ANKFN1: variants seen among roughly 807,000 people sequenced by gnomAD.
ANKFN1 encodes the protein ankyrin repeat and fibronectin type-III domain-containing protein 1.
A neutral mutation model predicts 108.7 loss-of-function variants in ANKFN1; 74 were observed. The observed-to-expected ratio is 0.68, with a 90% CI of 0.56 to 0.83. The LOEUF is 0.83. Among genes scored for constraint, ANKFN1 ranks in the 40% least tolerant of loss-of-function variants. ANKFN1 has a pLI of 0.00. For missense variants in ANKFN1, 1,505 were observed against 1,382.3 expected, an observed-to-expected ratio of 1.09 and a Z score of -1.41; for synonymous variants, 547 against 516.2, an observed-to-expected ratio of 1.06 and a Z score of -0.81.
At chr17:56,356,105 T>C (rs9890346) in intron 6 of ANKFN1, among the ~76,000 whole-genome samples, 8,547 of 152,184 alleles carry the variant, frequency 0.056, 769 homozygotes, top group African/African-American at 0.19. Flanking sequence ...CTGATAGTAC[T>C]TGGGGAAGAA....
chr17:56,127,003 C>T (rs1906974691), intron 4 of ANKFN1, among the ~76,000 whole-genome samples: 2 of 152,184 alleles, frequency 1.3e-5, no homozygotes, highest in African/African-American at 4.8e-5. Context: ...AAAAGAGTAG[C>T]TATTACATAC....
intron 18 of ANKFN1, among the ~76,000 whole-genome samples, chr17:56,488,776 A>G (rs1340659781): frequency 5.9e-5 from 9 of 152,230 alleles, no homozygotes; most frequent in Non-Finnish European, 1.2e-4. Context: ...ACTAGGCCAC[A>G]TGGCCCAGAC....
intron 4 of ANKFN1, among the ~76,000 whole-genome samples, chr17:56,342,666 T>C (rs761366359): frequency 1.4e-4 from 21 of 152,072 alleles, no homozygotes; most frequent in Non-Finnish European, 2.6e-4. Flanking sequence ...AGAGATTGTT[T>C]GATATGATTT....
intron 3 of ANKFN1, among the ~76,000 whole-genome samples, chr17:56,290,118 T>G (rs2044320060): frequency 6.6e-6 from 1 of 152,196 alleles, no homozygotes; most frequent in Non-Finnish European, 1.5e-5. Context: ...TTTTCCTCTT[T>G]CCCTTTTCTC....
chr17:56,226,130 G>A (rs889251847), intron 2 of ANKFN1, among the ~76,000 whole-genome samples: 1 of 152,090 alleles, frequency 6.6e-6, no homozygotes, highest in African/African-American at 2.4e-5. Flanking sequence ...CAAGGGGTGG[G>A]AGGAAATGTG....
chr17:56,423,116 T>G (rs2048461726), intron 8 of ANKFN1, among the ~76,000 whole-genome samples: 1 of 152,138 alleles, frequency 6.6e-6, no homozygotes. Context: ...TATGTCACTA[T>G]TCTCATGTAG....
At chr17:56,204,474 G>C (rs1320005193) in intron 1 of ANKFN1, among the ~76,000 whole-genome samples, 1 of 151,768 alleles carries the variant, frequency 6.6e-6, no homozygotes, top group African/African-American at 2.4e-5. Context: ...CAGAGTAGCC[G>C]GGATTACAGG....
Position 56,465,386 on chromosome 17 carries a change from G to A in ANKFN1, c.1558-970G>A, listed in dbSNP as rs77290155. Among the ~76,000 whole-genome samples, 63 of 152,184 alleles carry A rather than the reference G, an allele frequency of 4.1e-4. No homozygotes were observed. The East Asian group carries it at 0.01, about 25-fold the overall frequency. On this transcript the variant is annotated intron_variant, in intron 14 of 20. Coordinates refer to ENST00000682825, the MANE Select transcript of ANKFN1 (RefSeq NM_001370326.1). ...GTCCCTACCTGTGAGGGAAAATTCC[G>A]GGGTTTTCATAGATGTAGATGTTGA...
chr17:56,093,965 A>T (rs536939787), intron 4 of ANKFN1, among the ~76,000 whole-genome samples: 3 of 151,526 alleles, frequency 2.0e-5, no homozygotes, highest in Admixed American at 2.0e-4. Context: ...TAATCGGGTA[A>T]GTCCTCATCC....
At chr17:56,314,303 C>T (rs1120771) in intron 3 of ANKFN1, among the ~76,000 whole-genome samples, 98,888 of 151,938 alleles carry the variant, frequency 0.65, 33,833 homozygotes, top group East Asian at 0.94. Context: ...GTCGAAGTGC[C>T]GAGTCATAAG....
At chr17:56,242,233 G>A (rs1203235174) in intron 3 of ANKFN1, among the ~76,000 whole-genome samples, 1 of 151,924 alleles carries the variant, frequency 6.6e-6, no homozygotes, top group Non-Finnish European at 1.5e-5. Flanking sequence ...AGATTGGTCT[G>A]TCAATTTCCA....
chr17:56,447,068 C>T (rs1266850252), intron 10 of ANKFN1, among the ~76,000 whole-genome samples: 1 of 151,954 alleles, frequency 6.6e-6, no homozygotes, highest in Non-Finnish European at 1.5e-5. Flanking sequence ...ACTTAAGCTA[C>T]AAAAATTAAC....
At chr17:56,427,867 T>G (rs1427260374) in intron 8 of ANKFN1, among the ~76,000 whole-genome samples, 1 of 151,698 alleles carries the variant, frequency 6.6e-6, no homozygotes, top group Non-Finnish European at 1.5e-5. Flanking sequence ...TTAAAAGTTT[T>G]GAGTCTCAGT....
At chr17:56,170,920 C>G (rs1233690999) in intron 1 of ANKFN1, among the ~76,000 whole-genome samples, 1 of 150,286 alleles carries the variant, frequency 6.7e-6, no homozygotes, top group East Asian at 2.0e-4. Flanking sequence ...CACATACATC[C>G]CTATTTTCTC....
chr17:56,205,077 A>AAAAACAAAAC (rs112880628), intron 1 of ANKFN1, among the ~76,000 whole-genome samples: 12 of 151,690 alleles, frequency 7.9e-5, no homozygotes, highest in African/African-American at 2.9e-4. Context: ...ACTCCGTCTC[A>AAAAACAAAAC]AAAACAAAAC....
chr17:56,449,138 G>T lies in ANKFN1; in HGVS notation c.1159G>T (p.Gly387Cys). Residue 387 changes from glycine to cysteine, a missense_variant, in exon 11 of 21, where the codon GGT becomes TGT. Transcript: ENST00000682825. ...RHKGQSEVLE[G>C]LLQQVRALHQ... ...CAAGGGACAGAGTGAAGTTTTGGAA[G>T]GTCTGCTGCAGCAGGTCCGAGCCCT... is the stretch of plus-strand genomic sequence containing the variant. 6.2e-7 allele frequency: 1 copy of T among 1,613,578 alleles called. No homozygotes were observed. Among genetic ancestry groups the T allele is most frequent in the Non-Finnish European group, 8.5e-7 (1 of 1,179,672 alleles).
At chr17:56,188,539 A>ATG (rs1555607562) in intron 1 of ANKFN1, among the ~76,000 whole-genome samples, 1 of 92,996 alleles carries the variant, frequency 1.1e-5, no homozygotes, top group Non-Finnish European at 1.9e-5. Flanking sequence ...ATAAAATAAG[A>ATG]TGTATATGTG....
chr17:56,339,925 T>C lies in ANKFN1; in HGVS notation c.189-10841T>C, dbSNP rs912948256. ...GACTAATTTACACTCCCACCAACAG[T>C]GTATAAGTGTTCCTTTTCCTCCACA... On this transcript the variant is annotated intron_variant, in intron 4 of 20. Coordinates refer to ENST00000682825, the MANE Select transcript of ANKFN1 (RefSeq NM_001370326.1). Among the ~76,000 whole-genome samples the C allele has an allele frequency of 6.6e-5, 10 of 152,102 alleles. No individual in the cohort carries two copies. In the South Asian group the frequency reaches 1.9e-3, roughly 28 times the overall value.
chr17:56,321,420 ATAATT>A (rs1017741175), intron 3 of ANKFN1, among the ~76,000 whole-genome samples: 5 of 151,900 alleles, frequency 3.3e-5, no homozygotes, highest in African/African-American at 9.7e-5. Context: ...CCACTTTCTT[ATAATT>A]TAATTTTGAG....
Sources: allele counts gnomAD v4.1 joint callset (sites outside exome capture counted in the v4.1 genomes callset), GRCh38; gene constraint gnomAD v4.1.1; transcripts MANE v1.5; gene names NCBI Gene and HGNC (gene_info 2026-07-23, HGNC 2026-07-21).